The following RAB18 variants were observed in gnomAD, a reference collection of about 807,000 sequenced individuals.
The protein encoded by RAB18 is ras-related protein Rab-18.
Under a neutral mutation model 28.5 loss-of-function variants are expected in RAB18, and 10 were observed. That is an observed-to-expected ratio of 0.35 (90% CI 0.22 to 0.60). The LOEUF (loss-of-function observed/expected upper bound fraction) is 0.60, where lower values mean the gene tolerates loss of function less well. Among genes scored for constraint, RAB18 ranks in the 20% least tolerant of loss-of-function variants. The pLI is 0.78. For synonymous variants in RAB18, 93 were observed against 86.9 expected, an observed-to-expected ratio of 1.07 and a Z score of -0.39; for missense variants, 188 against 244.2, an observed-to-expected ratio of 0.77 and a Z score of 1.53.
At chr10:27,530,535 T>G (rs1330956321) in intron 3 of RAB18, among the ~76,000 whole-genome samples, 1 of 151,880 alleles carries the variant, frequency 6.6e-6, no homozygotes, top group Non-Finnish European at 1.5e-5. Context: ...AATTTGAATA[T>G]TACTAATTTG....
intron 2 of RAB18, 22 bp from the exon 3 acceptor site, chr10:27,526,806 T>A: frequency 6.2e-7 from 1 of 1,612,774 alleles, no homozygotes; most frequent in Non-Finnish European, 8.5e-7. Context: ...GGGAGACTTA[T>A]CAAAATTTTC....
chr10:27,531,532 A>G (rs1393906892), intron 3 of RAB18: 2 of 1,516,332 alleles, frequency 1.3e-6, no homozygotes, highest in Non-Finnish European at 1.8e-6. Flanking sequence ...TCTTTAGGTT[A>G]CTTTGCATCA....
rs12260532 is a variant in RAB18, at chr10:27,540,500, A to G, written c.*2449A>G. The G allele has an allele frequency of 0.016, 7,133 of 454,040 alleles. 402 individuals carry two copies. Among genetic ancestry groups the G allele is most frequent in the African/African-American group, 0.13 (6,292 of 50,074 alleles). The allele number at this position is 454,040 out of a possible 1,614,324, so 28.1% of individuals were successfully genotyped here. On this transcript the variant is annotated 3_prime_UTR_variant, in exon 7 of 7. Coordinates refer to ENST00000356940, the MANE Select transcript of RAB18 (RefSeq NM_021252.5). Reference sequence around the variant, plus strand: ...ATCACTCTTTTGTTATATGTAATAGAAGTATTTCACACTTTTGGGTTATAG... The same window carrying G: ...ATCACTCTTTTGTTATATGTAATAGGAGTATTTCACACTTTTGGGTTATAG...
intron 2 of RAB18, among the ~76,000 whole-genome samples, chr10:27,520,370 C>T (rs1311787386): frequency 6.6e-6 from 1 of 151,330 alleles, no homozygotes; most frequent in East Asian, 1.9e-4. Flanking sequence ...AACCTTTTCT[C>T]TCACTCTCTT....
At chr10:27,509,995 C>A in intron 2 of RAB18, 65 bp downstream of exon 2, 1 of 1,254,006 alleles carries the variant, frequency 8.0e-7, no homozygotes, top group Non-Finnish European at 1.2e-6. Flanking sequence ...CCTTTTTAAT[C>A]TAAATCCTTC....
chr10:27,533,615 G>A (rs1834831860), intron 4 of RAB18, 120 bp from the exon 5 acceptor site: 2 of 1,186,816 alleles, frequency 1.7e-6, no homozygotes, highest in South Asian at 2.9e-5. Context: ...AATCGTTGAA[G>A]ACAATAAAAA....
rs185737370 is a variant in RAB18 at position 27,511,891 on chromosome 10, G to C, written c.124+1961G>C. ...CCAACTGTGATGGTTATCAAATGGGGATTTTTTTAAAATGCCATCACTCTG... is the reference window on the plus strand; with the variant it reads ...CCAACTGTGATGGTTATCAAATGGGCATTTTTTTAAAATGCCATCACTCTG... On this transcript the variant is annotated intron_variant, in intron 2 of 6. Transcript: ENST00000356940. Among the ~76,000 whole-genome samples, 612 of 152,272 alleles carry C rather than the reference G, an allele frequency of 4.0e-3. 4 individuals are homozygous for C. Among genetic ancestry groups the C allele is most frequent in the African/African-American group, 0.014 (578 of 41,544 alleles).
At chr10:27,509,839 C>T (rs1834289672) in intron 1 of RAB18, 36 bp from the exon 2 acceptor site, 1 of 1,549,960 alleles carries the variant, frequency 6.5e-7, no homozygotes, top group Non-Finnish European at 8.9e-7. Context: ...TTAGAAAATT[C>T]AAGTTCCCAA....
chr10:27,527,403 C>T (rs551035130), intron 3 of RAB18, among the ~76,000 whole-genome samples: 4 of 152,010 alleles, frequency 2.6e-5, no homozygotes, highest in South Asian at 4.1e-4. Context: ...TTCTGATCCC[C>T]GTTACTGTAC....
intron 1 of RAB18, among the ~76,000 whole-genome samples, chr10:27,509,001 A>C (rs942267068): frequency 3.3e-5 from 5 of 152,204 alleles, no homozygotes; most frequent in African/African-American, 9.6e-5. Context: ...TTATTTTTGA[A>C]GAGTTTCTAA....
In RAB18 at chr10:27,532,527, G is replaced by T; in HGVS notation, c.207G>T (p.Arg69Ser). ...LAIWDTAGQE[R>S]FRTLTPSYYR... is the part of the protein sequence containing the mutation. ...TTTAGGATACTGCTGGTCAAGAGAG[G>T]TTTAGAACATTAACTCCCAGCTATT... Residue 69 changes from arginine (R) to serine (S), a missense_variant, in exon 4 of 7, where the codon AGG (arginine) becomes AGT (serine). Arg to Ser is a moderately radical substitution (Grantham distance 110). Coordinates refer to ENST00000356940, the MANE Select transcript of RAB18 (RefSeq NM_021252.5). 6.2e-7 allele frequency: 1 copy of T among 1,605,458 alleles called. No individual in the cohort carries two copies. Among genetic ancestry groups the T allele is most frequent in the Non-Finnish European group, 8.5e-7 (1 of 1,173,228 alleles).
In RAB18 at chr10:27,532,559, G is replaced by C; in HGVS notation, c.239G>C (p.Gly80Ala). The change falls in exon 4 of 7, where the codon GGT becomes GCT. Residue 80 changes from glycine to alanine, a missense_variant. Coordinates refer to ENST00000356940, the MANE Select transcript of RAB18 (RefSeq NM_021252.5). ...FRTLTPSYYR[G>A]AQGVILVYDV... ...ACATTAACTCCCAGCTATTATAGAG[G>C]TGCACAGGGTGTTATATTAGGTAAG... is the stretch of plus-strand genomic sequence containing the variant. 1 of 1,601,564 alleles carries C rather than the reference G, an allele frequency of 6.2e-7. No homozygotes were observed. The highest frequency in any genetic ancestry group is 8.5e-7 in the Non-Finnish European group (1 of 1,169,756).
At chr10:27,532,105 T>C (rs1834800293) in intron 3 of RAB18, among the ~76,000 whole-genome samples, 1 of 151,232 alleles carries the variant, frequency 6.6e-6, no homozygotes, top group African/African-American at 2.4e-5. Context: ...GATTCTACAT[T>C]AAAAGCACCT....
chr10:27,517,864 C>T (rs112615338), intron 2 of RAB18, among the ~76,000 whole-genome samples: 5 of 152,156 alleles, frequency 3.3e-5, no homozygotes, highest in African/African-American at 9.7e-5. Context: ...TAGTCTGGTC[C>T]TCCTGCCTCT....
chr10:27,529,130 A>C (rs926333662), intron 3 of RAB18, among the ~76,000 whole-genome samples: 1 of 151,770 alleles, frequency 6.6e-6, no homozygotes, highest in African/African-American at 2.4e-5. Context: ...AGTTGAATAT[A>C]TGTTTGTGTT....
chr10:27,531,386 C>G, intron 3 of RAB18: 1 of 1,324,250 alleles, frequency 7.6e-7, no homozygotes, highest in Non-Finnish European at 9.9e-7. Context: ...CTTCTCCAAT[C>G]TTATAAACCT....
At chr10:27,523,275 T>C (rs1279307866) in intron 2 of RAB18, among the ~76,000 whole-genome samples, 20 of 147,734 alleles carry the variant, frequency 1.4e-4, no homozygotes, top group Admixed American at 2.0e-4. Flanking sequence ...CTTTTTTTTT[T>C]TTTTTTTTTT....
rs1473443327 is a variant in RAB18 at position 27,538,492 on chromosome 10, T to TAATA, written c.*444_*447dup. ...AACGTGGCAAATTTTCTTTCAGGAA[T>TAATA]AATAAAGAGCATGATTCCACAGCTT... On this transcript the variant is annotated 3_prime_UTR_variant, in exon 7 of 7. Transcript: ENST00000356940. 2.2e-6 allele frequency: 1 copy of TAATA among 454,720 alleles called. No homozygotes were observed. The highest frequency in any genetic ancestry group is 2.0e-5 in the African/African-American group (1 of 50,140). 28.2% of individuals were successfully genotyped at this position (454,720 alleles called of 1,614,324 possible). A position where few individuals can be genotyped will look rare whatever the true frequency, so the allele number is the denominator to read the frequency against.
In RAB18 at chr10:27,504,401, T is replaced by A; in HGVS notation, c.32T>A (p.Ile11Asn). The A allele has an allele frequency of 6.3e-7, 1 of 1,575,038 alleles. No homozygotes were observed. Among genetic ancestry groups the A allele is most frequent in the Non-Finnish European group, 8.6e-7 (1 of 1,160,424 alleles). Residue 11 changes from isoleucine to asparagine, a missense_variant, in exon 1 of 7, where the codon ATC becomes AAC. Coordinates refer to ENST00000356940, the MANE Select transcript of RAB18 (RefSeq NM_021252.5). ...GAGGACGTGCTAACCACCCTGAAGA[T>A]CCTCATCATCGGCGAGAGTGGGGTG... MDEDVLTTLK[I>N]LIIGESGVGK...
Sources: allele counts gnomAD v4.1 joint callset (sites outside exome capture counted in the v4.1 genomes callset), GRCh38; gene constraint gnomAD v4.1.1; transcripts MANE v1.5; gene names NCBI Gene and HGNC (gene_info 2026-07-23, HGNC 2026-07-21).